The following TRA2B variants were observed in gnomAD, a reference collection of about 807,000 sequenced individuals.
TRA2B encodes the protein transformer-2 protein homolog beta.
TRA2B carries 14 observed loss-of-function variants against 41.7 expected under a neutral mutation model. The ratio of observed to expected loss-of-function variants is 0.34; its 90% CI spans 0.22 to 0.53. TRA2B has a LOEUF of 0.53. Among genes scored for constraint, TRA2B ranks in the 20% least tolerant of loss-of-function variants. TRA2B has a pLI of 0.95. For missense variants in TRA2B, 167 were observed against 396.8 expected, an observed-to-expected ratio of 0.42 and a Z score of 4.92; for synonymous variants, 130 against 128.8, an observed-to-expected ratio of 1.01 and a Z score of -0.06.
chr3:185,925,949 TTC>T (rs1239721073), intron 2 of TRA2B, among the ~76,000 whole-genome samples: 1 of 152,198 alleles, frequency 6.6e-6, no homozygotes, highest in Non-Finnish European at 1.5e-5. Flanking sequence ...TTCTCTACTT[TTC>T]TGTCTCCCAT....
chr3:185,932,980 T>G (rs899427508), intron 1 of TRA2B, among the ~76,000 whole-genome samples: 7 of 152,224 alleles, frequency 4.6e-5, no homozygotes, highest in Admixed American at 1.3e-4. Context: ...AGTCTAGTTT[T>G]AGAGTCAATT....
chr3:185,918,803 G>A (rs952628494), intron 7 of TRA2B, among the ~76,000 whole-genome samples: 2 of 151,998 alleles, frequency 1.3e-5, no homozygotes, highest in Non-Finnish European at 2.9e-5. Flanking sequence ...GAGGCCAGGA[G>A]TTTGACCAGC....
At chr3:185,931,869 C>A in intron 1 of TRA2B, 1 of 1,397,532 alleles carries the variant, frequency 7.2e-7, no homozygotes, top group South Asian at 1.7e-5. Context: ...AGAAAAAGAA[C>A]AGGATGAAGA....
chr3:185,918,394 G>T lies in TRA2B; in HGVS notation c.827C>A (p.Ser276Ter). The T allele has an allele frequency of 6.2e-7, 1 of 1,613,720 alleles. No individual in the cohort carries two copies. The highest frequency in any genetic ancestry group is 8.5e-7 in the Non-Finnish European group (1 of 1,179,768). ...SPYYSRGGYRSRSRSRSYSPR... is the reference protein window; with the variant it reads ...SPYYSRGGYR ...TGAGTATGATCGAGATCTGGAACGT[G>T]ATCTGTATCCTCCACGACTATAGTA... The change falls in exon 8 of 9, where the codon TCA becomes TAA. Residue 276 changes from serine (S) to a stop codon, truncating the protein, a stop_gained. Transcript: ENST00000453386. LOFTEE classifies it high-confidence loss of function.
intron 1 of TRA2B, chr3:185,937,558 T>C: frequency 1.1e-6 from 1 of 944,478 alleles, no homozygotes; most frequent in Non-Finnish European, 1.4e-6. Flanking sequence ...GCCATTTTCA[T>C]CTTCCCCCTC....
chr3:185,935,645 C>A (rs1227777390), intron 1 of TRA2B: 28 of 985,274 alleles, frequency 2.8e-5, no homozygotes, highest in Non-Finnish European at 3.4e-5. Context: ...AGTTGAATAA[C>A]ACTCATTTTT....
Position 185,925,564 on chromosome 3 carries a change from T to G in TRA2B, c.233A>C (p.His78Pro), listed in dbSNP as rs761923333. The G allele has an allele frequency of 6.2e-7, 1 of 1,614,212 alleles. No homozygotes were observed. Among genetic ancestry groups the G allele is most frequent in the East Asian group, 2.2e-5 (1 of 44,886 alleles). Reference protein sequence around the residue: ...YTRSRSRSRSHRRSRSRSYSR... With the variant: ...YTRSRSRSRSPRRSRSRSYSR... ...GTAAGACCTGCTACGTGATCGTCTATGGGAGCGGGAGCGAGACCGTGACCG... is the reference window on the plus strand; with the variant it reads ...GTAAGACCTGCTACGTGATCGTCTAGGGGAGCGGGAGCGAGACCGTGACCG... The change falls in exon 3 of 9, where the codon CAT becomes CCT. Residue 78 changes from histidine (H) to proline (P), a missense_variant. Physicochemically the swap from His to Pro is moderately conservative, Grantham distance 77. Coordinates refer to ENST00000453386, the MANE Select transcript of TRA2B (RefSeq NM_004593.3).
In TRA2B at chr3:185,915,056, T is replaced by TA. The variant is rs1743455088; in HGVS notation, c.*2658_*2659insT. Among the ~76,000 whole-genome samples, 1 of 152,114 alleles carries TA rather than the reference T, an allele frequency of 6.6e-6. No homozygotes were observed. Among genetic ancestry groups the TA allele is most frequent in the South Asian group, 2.1e-4 (1 of 4,828 alleles). On this transcript the variant is annotated 3_prime_UTR_variant, in exon 9 of 9. Coordinates refer to ENST00000453386, the MANE Select transcript of TRA2B (RefSeq NM_004593.3). ...TCCATAAGGAAATGTGCAAGCTAGA[T>TA]CCCTCTCAAGCGCACTTCACAATAG...
rs1162184996 is a variant in TRA2B at position 185,916,452 on chromosome 3, C to T, written c.*1263G>A. The stretch of plus-strand genomic sequence containing the variant: ...CAAAATAACCCACCTGTAGCAACAT[C>T]CCTACAATTGGTCATGAAAATTACT... On this transcript the variant is annotated 3_prime_UTR_variant, in exon 9 of 9. Coordinates refer to ENST00000453386, the MANE Select transcript of TRA2B (RefSeq NM_004593.3). 6.6e-6 allele frequency: 1 copy of T among 152,206 alleles called. No homozygotes were observed. The highest frequency in any genetic ancestry group is 6.5e-5 in the Admixed American group (1 of 15,276). 9.4% of individuals were successfully genotyped at this position (152,206 alleles called of 1,614,324 possible).
chr3:185,925,251 A>C (rs1743900867), intron 3 of TRA2B: 2 of 481,610 alleles, frequency 4.2e-6, no homozygotes, highest in South Asian at 2.6e-5. Flanking sequence ...GAGTTACACC[A>C]TTGTGTCAGT....
intron 1 of TRA2B, 132 bp downstream of exon 1, chr3:185,937,693 C>T (rs1325280608): frequency 5.4e-6 from 7 of 1,305,484 alleles, no homozygotes; most frequent in African/African-American, 1.5e-5. Flanking sequence ...ATGCTGTCTC[C>T]CTTGCCTGCC....
At chr3:185,924,198 A>G (rs1743850362) in intron 3 of TRA2B, 1 of 401,236 alleles carries the variant, frequency 2.5e-6, no homozygotes, top group Non-Finnish European at 4.4e-6. Context: ...TTTCAACCTT[A>G]GAATTAAGTA....
chr3:185,917,587 A>G lies in TRA2B; in HGVS notation c.*128T>C. On this transcript the variant is annotated 3_prime_UTR_variant, in exon 9 of 9. Coordinates refer to ENST00000453386, the MANE Select transcript of TRA2B (RefSeq NM_004593.3). ...CATTTCAACTCCACCAAAAGTAGTC[A>G]TCGTAAAAGGTGTAAAAGTCACCTA... 3.5e-6 allele frequency: 3 copies of G among 861,302 alleles called. No individual in the cohort carries two copies. Among genetic ancestry groups the G allele is most frequent in the Admixed American group, 2.8e-5 (1 of 35,750 alleles). 53.4% of individuals were successfully genotyped at this position (861,302 alleles called of 1,614,324 possible). A position where few individuals can be genotyped will look rare whatever the true frequency, so the allele number is the denominator to read the frequency against.
intron 1 of TRA2B, 81 bp from the exon 2 acceptor site, chr3:185,926,815 T>C: frequency 2.0e-6 from 3 of 1,533,542 alleles, no homozygotes; most frequent in South Asian, 2.3e-5. Flanking sequence ...AGATAAATGG[T>C]GAGGGACAGC....
intron 1 of TRA2B, chr3:185,928,991 C>T (rs370730527): frequency 2.6e-5 from 4 of 152,320 alleles, no homozygotes; most frequent in Non-Finnish European, 5.9e-5. Flanking sequence ...TAGCAGATCA[C>T]AGATACAATA....
rs573682111 is a variant in TRA2B at position 185,936,730 on chromosome 3, C to A, written c.36+1095G>T. On this transcript the variant is annotated intron_variant, in intron 1 of 8. Coordinates refer to ENST00000453386, the MANE Select transcript of TRA2B (RefSeq NM_004593.3). Reference sequence around the variant, plus strand: ...TTCCCACAGCCTCAAAAATCAATTTCTATGGTGCTTTTCTATCACCCTTCT... The same window carrying A: ...TTCCCACAGCCTCAAAAATCAATTTATATGGTGCTTTTCTATCACCCTTCT... The A allele has an allele frequency of 1.5e-5, 15 of 984,394 alleles. No individual in the cohort carries two copies. The African/African-American group carries it at 2.5e-4, about 16-fold the overall frequency. 61.0% of individuals were successfully genotyped at this position (984,394 alleles called of 1,614,324 possible). A position where few individuals can be genotyped will look rare whatever the true frequency, so the allele number is the denominator to read the frequency against.
intron 5 of TRA2B, 75 bp from the exon 6 acceptor site, chr3:185,921,262 T>C (rs866302117): frequency 3.7e-5 from 45 of 1,218,660 alleles, no homozygotes; most frequent in Non-Finnish European, 5.3e-5. Context: ...TAGTAGGCCT[T>C]TTCTGACACA....
chr3:185,915,079 T>C lies in TRA2B; in HGVS notation c.*2636A>G, dbSNP rs576534207. ...GATCCCTCTCAAGCGCACTTCACAA[T>C]AGGATTCCTGCTATGAAAATCTGCT... On this transcript the variant is annotated 3_prime_UTR_variant, in exon 9 of 9. Transcript: ENST00000453386. Among the ~76,000 whole-genome samples the C allele has an allele frequency of 1.1e-4, 16 of 152,326 alleles. No homozygotes were observed. In the South Asian group the frequency reaches 1.9e-3, roughly 18 times the overall value.
At chr3:185,919,324 A>G in intron 7 of TRA2B, 113 bp downstream of exon 7, 1 of 747,820 alleles carries the variant, frequency 1.3e-6, no homozygotes, top group East Asian at 2.7e-5. Context: ...CATGAGCTTC[A>G]AACAGTCTGA....
Sources: allele counts gnomAD v4.1 joint callset (sites outside exome capture counted in the v4.1 genomes callset), GRCh38; gene constraint gnomAD v4.1.1; transcripts MANE v1.5; gene names NCBI Gene and HGNC (gene_info 2026-07-23, HGNC 2026-07-21).